GPR161: variants seen among roughly 807,000 people sequenced by gnomAD.
The protein encoded by GPR161 is G protein-coupled receptor 161, also known as G-protein coupled receptor RE2.
A neutral mutation model predicts 39.2 loss-of-function variants in GPR161; 25 were observed. The ratio of observed to expected loss-of-function variants is 0.64; its 90% CI spans 0.47 to 0.89. The LOEUF is 0.89. GPR161 is among the 40% of genes least tolerant of loss of function. GPR161 has a pLI of 0.00. For missense variants in GPR161, 547 were observed against 677.8 expected (o/e 0.81, Z 2.14); for synonymous variants, 286 against 276.6 (o/e 1.03, Z -0.34).
intron 1 of GPR161, among the ~76,000 whole-genome samples, chr1:168,116,802 C>T (rs1216584343): frequency 2.0e-5 from 3 of 152,232 alleles, no homozygotes; most frequent in African/African-American, 7.2e-5. Flanking sequence ...CTTTGGCCCT[C>T]TCCCCATCAG....
rs201470329 is a variant in GPR161, at chr1:168,119,203, T to TATAC, written c.-44-14310_-44-14309insGTAT. Among the ~76,000 whole-genome samples, 307 of 103,060 alleles carry TATAC rather than the reference T, an allele frequency of 3.0e-3. 12 individuals carry two copies. The highest frequency in any genetic ancestry group is 6.3e-3 in the African/African-American group (141 of 22,538). 67.6% of individuals were successfully genotyped at this position (103,060 alleles called of 152,430 possible). A position where few individuals can be genotyped will look rare whatever the true frequency, so the allele number is the denominator to read the frequency against. On this transcript the variant is annotated intron_variant, in intron 1 of 5. Coordinates refer to ENST00000682931, the MANE Select transcript of GPR161 (RefSeq NM_001375883.1). Reference sequence around the variant, plus strand: ...GCAACCCAAATCTCCATCATATATATATATATGTATACATATATATATACG... The same window carrying TATAC: ...GCAACCCAAATCTCCATCATATATATATACATATATGTATACATATATATATACG...
chr1:168,104,020 T>C (rs1489805342), intron 2 of GPR161, among the ~76,000 whole-genome samples: 2 of 152,198 alleles, frequency 1.3e-5, no homozygotes, highest in Non-Finnish European at 2.9e-5. Context: ...TCTGGCTGTC[T>C]TCCTTCCCCC....
intron 1 of GPR161, chr1:168,133,727 C>T (rs555374015): frequency 6.4e-6 from 1 of 155,662 alleles, no homozygotes; most frequent in South Asian, 2.0e-4. Flanking sequence ...TATCAAGTAA[C>T]TGGGACTACA....
chr1:168,110,540 AAG>A (rs2102194813), intron 1 of GPR161, among the ~76,000 whole-genome samples: 1 of 10,492 alleles, frequency 9.5e-5, no homozygotes, highest in Non-Finnish European at 1.8e-4. Context: ...AAGGAAAGGA[AAG>A]AAAAGAAAAG....
chr1:168,110,644 C>T (rs754519386), intron 1 of GPR161, among the ~76,000 whole-genome samples: 30 of 150,960 alleles, frequency 2.0e-4, no homozygotes, highest in Non-Finnish European at 3.7e-4. Context: ...AGAAAAGAAG[C>T]CGGGCGTGGT....
chr1:168,107,021 G>T (rs1489420849), intron 1 of GPR161, among the ~76,000 whole-genome samples: 1 of 152,014 alleles, frequency 6.6e-6, no homozygotes, highest in Non-Finnish European at 1.5e-5. Context: ...ACAACATGGT[G>T]ATTAAGAAAA....
Position 168,083,112 on chromosome 1 carries a change from C to A in GPR161, c.*2419G>T, listed in dbSNP as rs1045268016. ...ACTTGACTTTGCTAGTTATTAGAAT[C>A]GGTATCCACAGGTCCTGCTCCCTAA... On this transcript the variant is annotated 3_prime_UTR_variant, in exon 6 of 6. Transcript: ENST00000682931. 1 of 152,320 alleles carries A rather than the reference C, an allele frequency of 6.6e-6. No individual in the cohort carries two copies. The highest frequency in any genetic ancestry group is 1.9e-4 in the East Asian group (1 of 5,186). The allele number at this position is 152,320 out of a possible 1,614,324, so 9.4% of individuals were successfully genotyped here.
rs567130487 is a variant in GPR161, at chr1:168,082,105, T to G, written c.*3426A>C. The G allele has an allele frequency of 6.6e-6, 1 of 152,216 alleles. No individual in the cohort carries two copies. The highest frequency in any genetic ancestry group is 1.5e-5 in the Non-Finnish European group (1 of 68,036). 9.4% of individuals were successfully genotyped at this position (152,216 alleles called of 1,614,324 possible). On this transcript the variant is annotated 3_prime_UTR_variant, in exon 6 of 6. Coordinates refer to ENST00000682931, the MANE Select transcript of GPR161 (RefSeq NM_001375883.1). ...TTCCTTAGCCTATCTATTGCAAATA[T>G]TTAGTCTCATTGGTTGTTCACTTGT...
At chr1:168,087,772 T>A (rs1694684522) in intron 4 of GPR161, 68 bp from the exon 5 acceptor site, 1 of 1,476,888 alleles carries the variant, frequency 6.8e-7, no homozygotes, top group South Asian at 1.3e-5. Flanking sequence ...TTCTCCCCTC[T>A]CAACACCCCT....
intron 2 of GPR161, among the ~76,000 whole-genome samples, chr1:168,103,270 T>C (rs757476217): frequency 1.3e-4 from 20 of 152,088 alleles, no homozygotes; most frequent in Non-Finnish European, 2.2e-4. Flanking sequence ...CAGAAAACCA[T>C]AGGAGCCAGA....
intron 1 of GPR161, among the ~76,000 whole-genome samples, chr1:168,116,639 C>T (rs894127803): frequency 6.6e-6 from 1 of 152,226 alleles, no homozygotes; most frequent in Non-Finnish European, 1.5e-5. Flanking sequence ...GTGTAAACAG[C>T]CAGGTGCAAA....
chr1:168,100,620 C>G (rs1696006775), intron 2 of GPR161, among the ~76,000 whole-genome samples: 1 of 152,352 alleles, frequency 6.6e-6, no homozygotes, highest in African/African-American at 2.4e-5. Flanking sequence ...ACAGCAAGCC[C>G]TGCTCTTAGT....
chr1:168,117,145 T>G (rs1402244739), intron 1 of GPR161, among the ~76,000 whole-genome samples: 1 of 152,202 alleles, frequency 6.6e-6, no homozygotes, highest in Non-Finnish European at 1.5e-5. Context: ...TATCAAATAC[T>G]GTTCCAAATC....
At chr1:168,086,012 A>G (rs903282288) in intron 5 of GPR161, among the ~76,000 whole-genome samples, 2 of 152,196 alleles carry the variant, frequency 1.3e-5, no homozygotes, top group Non-Finnish European at 2.9e-5. Flanking sequence ...CAGTTTCCTC[A>G]TCTGTAAAGA....
intron 1 of GPR161, among the ~76,000 whole-genome samples, chr1:168,111,472 G>A (rs763400184): frequency 1.3e-5 from 2 of 152,174 alleles, no homozygotes; most frequent in African/African-American, 2.4e-5. Context: ...ATCACACAAA[G>A]ACACAAGGAA....
intron 1 of GPR161, among the ~76,000 whole-genome samples, chr1:168,112,524 T>A (rs4657732): frequency 0.24 from 29,740 of 121,640 alleles, 3,547 homozygotes; most frequent in Admixed American, 0.41. Context: ...AAAAAAAAAA[T>A]TTGGTAAATA....
intron 2 of GPR161, among the ~76,000 whole-genome samples, chr1:168,101,074 A>G (rs994875819): frequency 1.3e-5 from 2 of 148,380 alleles, no homozygotes; most frequent in Non-Finnish European, 3.0e-5. Flanking sequence ...GGGCTACAAG[A>G]TGGACTCTTT....
chr1:168,095,169 A>G (rs1158633695), intron 3 of GPR161, among the ~76,000 whole-genome samples: 1 of 152,218 alleles, frequency 6.6e-6, no homozygotes, highest in African/African-American at 2.4e-5. Context: ...GGGGCAGTCT[A>G]CAAAATACCT....
intron 1 of GPR161, among the ~76,000 whole-genome samples, chr1:168,131,442 T>C (rs1268566084): frequency 2.0e-5 from 3 of 152,084 alleles, no homozygotes; most frequent in Admixed American, 6.5e-5. Flanking sequence ...ATGCTGTCTC[T>C]TCCTCCTCAC....
Sources: gnomAD v4.1 joint callset for allele counts (sites outside exome capture counted in the v4.1 genomes callset) on GRCh38, gnomAD v4.1.1 for gene constraint, MANE v1.5 for transcripts, NCBI Gene and HGNC (gene_info 2026-07-23, HGNC 2026-07-21) for gene names.